KAZN: variants seen among roughly 807,000 people sequenced by gnomAD.
The protein encoded by KAZN is kazrin, periplakin interacting protein.
A neutral mutation model predicts 87.4 loss-of-function variants in KAZN; 40 were observed. The observed-to-expected ratio is 0.46, with a 90% confidence interval of 0.36 to 0.60. The LOEUF is 0.60. Ranked by LOEUF, KAZN falls within the 20% of genes least tolerant of loss-of-function variation. The pLI, the probability that KAZN is intolerant of heterozygous loss-of-function variation, is 0.00. For missense variants in KAZN, 898 were observed against 1,073.9 expected (o/e 0.84, Z 2.29); for synonymous variants, 466 against 458.3 (o/e 1.02, Z -0.22).
chr1:14,795,179 G>A (rs907165559), intron 1 of KAZN, among the ~76,000 whole-genome samples: 5 of 152,092 alleles, frequency 3.3e-5, no homozygotes, highest in Admixed American at 3.3e-4. Context: ...TTGTGATCAC[G>A]TAAGTCCGTT....
At chr1:13,911,445 C>T (rs1639648530) in intron 1 of KAZN, among the ~76,000 whole-genome samples, 2 of 152,166 alleles carry the variant, frequency 1.3e-5, no homozygotes, top group Admixed American at 1.3e-4. Flanking sequence ...GTCCCCATGA[C>T]CCAAACACCT....
chr1:14,714,108 TG>T (rs1462074221), intron 1 of KAZN, among the ~76,000 whole-genome samples: 1 of 152,216 alleles, frequency 6.6e-6, no homozygotes, highest in African/African-American at 2.4e-5. Flanking sequence ...TCTTGCTCTC[TG>T]GGCTGACTGA....
At chr1:14,796,874 A>C (rs922104502) in intron 1 of KAZN, among the ~76,000 whole-genome samples, 5 of 152,216 alleles carry the variant, frequency 3.3e-5, no homozygotes, top group Non-Finnish European at 5.9e-5. Context: ...TGACAAAGAG[A>C]AGGAAGACCT....
chr1:14,379,806 C>G (rs1661219751), intron 2 of KAZN, among the ~76,000 whole-genome samples: 1 of 152,186 alleles, frequency 6.6e-6, no homozygotes, highest in Non-Finnish European at 1.5e-5. Context: ...TGACCTAGTG[C>G]CTGGGGGAGC....
intron 1 of KAZN, among the ~76,000 whole-genome samples, chr1:14,120,893 G>A (rs765152041): frequency 8.5e-5 from 13 of 152,320 alleles, no homozygotes; most frequent in Admixed American, 4.6e-4. Flanking sequence ...TAGTGATTGA[G>A]TCAAGGATGG....
intron 1 of KAZN, among the ~76,000 whole-genome samples, chr1:14,753,633 A>G (rs188920242): frequency 5.8e-4 from 89 of 152,356 alleles, no homozygotes; most frequent in African/African-American, 2.0e-3. Flanking sequence ...GGAGATCACA[A>G]TCATTACCAA....
chr1:14,621,297 C>T (rs1487821607), intron 1 of KAZN, among the ~76,000 whole-genome samples: 1 of 152,218 alleles, frequency 6.6e-6, no homozygotes, highest in Non-Finnish European at 1.5e-5. Flanking sequence ...GTATTATTTT[C>T]TCACAAATGG....
intron 1 of KAZN, among the ~76,000 whole-genome samples, chr1:14,013,100 C>T (rs753541261): frequency 2.6e-5 from 4 of 152,158 alleles, no homozygotes; most frequent in Non-Finnish European, 5.9e-5. Context: ...TCTGTGCACC[C>T]CTGAGTCCAC....
intron 1 of KAZN, among the ~76,000 whole-genome samples, chr1:14,113,567 C>T (rs12025051): frequency 0.27 from 40,418 of 152,110 alleles, 5,897 homozygotes; most frequent in East Asian, 0.56. Flanking sequence ...AGTTGATTAT[C>T]CTGTTTTACA....
intron 2 of KAZN, among the ~76,000 whole-genome samples, chr1:14,216,404 C>T (rs1255722475): frequency 6.6e-6 from 1 of 152,124 alleles, no homozygotes; most frequent in Non-Finnish European, 1.5e-5. Flanking sequence ...TGAGGACAAA[C>T]TGTTGAGAGC....
chr1:14,643,878 G>A (rs1264919939), intron 1 of KAZN, among the ~76,000 whole-genome samples: 1 of 151,736 alleles, frequency 6.6e-6, no homozygotes, highest in Admixed American at 6.6e-5. Context: ...GTATGAGATG[G>A]TATCTCATTA....
chr1:14,766,745 T>C (rs527404577), intron 1 of KAZN, among the ~76,000 whole-genome samples: 1 of 151,406 alleles, frequency 6.6e-6, no homozygotes, highest in South Asian at 2.1e-4. Context: ...TGTAGCGCAC[T>C]GTTGCCACTA....
At chr1:13,991,143 G>C (rs1002593337) in intron 1 of KAZN, among the ~76,000 whole-genome samples, 2 of 152,056 alleles carry the variant, frequency 1.3e-5, no homozygotes, top group Non-Finnish European at 2.9e-5. Flanking sequence ...TTGGTGGGAG[G>C]AGTGAAGGGC....
intron 1 of KAZN, among the ~76,000 whole-genome samples, chr1:13,940,693 T>C (rs1262723391): frequency 6.6e-6 from 1 of 152,058 alleles, no homozygotes; most frequent in African/African-American, 2.4e-5. Flanking sequence ...AACTGGAAAA[T>C]TAATAGGAAA....
intron 2 of KAZN, among the ~76,000 whole-genome samples, chr1:14,204,272 C>T (rs916237820): frequency 6.6e-6 from 1 of 152,194 alleles, no homozygotes; most frequent in Non-Finnish European, 1.5e-5. Flanking sequence ...TATTCTTTCT[C>T]CTCACAAACA....
At chr1:15,010,330 T>G (rs1255522060) in intron 2 of KAZN, among the ~76,000 whole-genome samples, 1 of 151,808 alleles carries the variant, frequency 6.6e-6, no homozygotes. Flanking sequence ...GAAAGACTCC[T>G]TCAAAGGAGA....
In KAZN at chr1:14,673,658, G is replaced by A. The variant is rs1640050061; in HGVS notation, c.226+74435G>A. On this transcript the variant is annotated intron_variant, in intron 1 of 14. Transcript: ENST00000376030. ...GTGCTGCCTCAAGGATGCAGGCTGT[G>A]GAAACAGGGAGCTGCAGATGCCTGA... is the stretch of plus-strand genomic sequence containing the variant. Among the ~76,000 whole-genome samples the A allele has an allele frequency of 2.0e-5, 3 of 152,152 alleles. No homozygotes were observed. The South Asian group carries it at 6.2e-4, about 32-fold the overall frequency.
rs1209388502 is a variant in KAZN at position 14,133,379 on chromosome 1, AAGAAAGAAAGAAAGAAAGAAAGAAAG to A, written c.92-47054_92-47029del. Among the ~76,000 whole-genome samples, 418 of 95,070 alleles carry A rather than the reference AAGAAAGAAAGAAAGAAAGAAAGAAAG, an allele frequency of 4.4e-3. 51 individuals carry two copies. The highest frequency in any genetic ancestry group is 0.016 in the African/African-American group (398 of 24,936). The allele number at this position is 95,070 out of a possible 152,430, so 62.4% of individuals were successfully genotyped here. A position where few individuals can be genotyped will look rare whatever the true frequency, so the allele number is the denominator to read the frequency against. ...AGACTCCCTCTCAAAAAAAAAAAAA[AAGAAAGAAAGAAAGAAAGAAAGAAAG>A]AAAGAAAGAAAGAAAGAAAGAAAGA... On this transcript the variant is annotated intron_variant, in intron 1 of 16. Transcript: ENST00000636203.
chr1:13,986,772 A>G (rs1482278671), intron 1 of KAZN, among the ~76,000 whole-genome samples: 2 of 152,202 alleles, frequency 1.3e-5, no homozygotes, highest in Non-Finnish European at 2.9e-5. Flanking sequence ...CAGTATCTCT[A>G]TAGAGGAAGG....
Sources: allele counts gnomAD v4.1 joint callset (sites outside exome capture counted in the v4.1 genomes callset), GRCh38; gene constraint gnomAD v4.1.1; transcripts MANE v1.5; gene names NCBI Gene and HGNC (gene_info 2026-07-23, HGNC 2026-07-21).